PMS1: variants seen among roughly 807,000 people sequenced by gnomAD.
PMS1 encodes the protein PMS1 homolog 1, mismatch repair system component.
A neutral mutation model predicts 93.1 loss-of-function variants in PMS1; 79 were observed. The observed-to-expected ratio is 0.85, with a 90% CI of 0.71 to 1.02. The LOEUF is 1.02. PMS1 is among the 50% of genes least tolerant of loss of function. PMS1 has a pLI of 0.00. For synonymous variants in PMS1, 335 were observed against 363.4 expected (o/e 0.92, Z 0.89); for missense variants, 1,064 against 1,085.3 (o/e 0.98, Z 0.28).
Position 189,814,316 on chromosome 2 carries a change from CA to C in PMS1, c.419-3692del, listed in dbSNP as rs1205682880. 7.8e-3 allele frequency among the ~76,000 whole-genome samples: 1,172 copies of C among 149,558 alleles called. 17 individuals are homozygous for C. The highest frequency in any genetic ancestry group is 8.7e-3 in the Non-Finnish European group (585 of 67,220). Reference sequence around the variant, plus strand: ...ATAAAAATAGAGGAAGACCCCCCCCCAAAAAAAAATCATTAGTAATGTTATA... The same window carrying C: ...ATAAAAATAGAGGAAGACCCCCCCCCAAAAAAAATCATTAGTAATGTTATA... On this transcript the variant is annotated intron_variant, in intron 4 of 12. Coordinates refer to ENST00000441310, the MANE Select transcript of PMS1 (RefSeq NM_000534.5).
chr2:189,801,138 AG>A (rs1303384844), intron 3 of PMS1, among the ~76,000 whole-genome samples: 11 of 152,362 alleles, frequency 7.2e-5, no homozygotes, highest in Non-Finnish European at 1.0e-4. Context: ...GCTGGCAGGC[AG>A]GAGCCACTGT....
chr2:189,850,509 T>C (rs2054602868), intron 6 of PMS1, among the ~76,000 whole-genome samples: 1 of 152,110 alleles, frequency 6.6e-6, no homozygotes, highest in African/African-American at 2.4e-5. Context: ...GGGAGTGAAA[T>C]AAATAGCAGC....
intron 5 of PMS1, among the ~76,000 whole-genome samples, chr2:189,825,412 A>T (rs893498371): frequency 5.9e-5 from 9 of 152,174 alleles, no homozygotes; most frequent in Non-Finnish European, 1.3e-4. Context: ...AAATATTTTT[A>T]TTTATAAAGT....
In PMS1 at chr2:189,854,084, T is replaced by TA; in HGVS notation, c.966+4dup. ...AGCCAAGTATTATTACAAAATAAGG[T>TA]AACTCTTTTCAGATAATTTTTTCTT... On this transcript the variant is annotated splice_region_variant and intron_variant, in intron 8 of 12. Coordinates refer to ENST00000441310, the MANE Select transcript of PMS1 (RefSeq NM_000534.5). 6.3e-7 allele frequency: 1 copy of TA among 1,577,102 alleles called. No homozygotes were observed. Among genetic ancestry groups the TA allele is most frequent in the South Asian group, 1.2e-5 (1 of 85,684 alleles).
At position 189,863,836 on chromosome 2, in the gene PMS1, C is replaced by A. The variant is rs2056296440; in HGVS notation, c.1950C>A (p.Gly650=). 6.2e-7 allele frequency: 1 copy of A among 1,613,602 alleles called. No individual in the cohort carries two copies. The change falls in exon 10 of 13, where the codon GGC becomes GGA. Residue 650 remains glycine (G), a synonymous_variant. Transcript: ENST00000441310. ...EQESQMSLKD[G]RKKIKPTSAW... is the part of the protein sequence containing the mutation. ...AGTCACAAATGTCACTAAAAGATGG[C>A]AGAAAAAAGATAAAACCCACCAGCG...
At chr2:189,864,327 A>G in intron 10 of PMS1, 99 bp downstream of exon 10, 1 of 867,490 alleles carries the variant, frequency 1.2e-6, no homozygotes. Flanking sequence ...TTTCCTAGTA[A>G]GGATTAGTGG....
chr2:189,874,943 G>A (rs2057435129), intron 12 of PMS1, among the ~76,000 whole-genome samples: 1 of 151,858 alleles, frequency 6.6e-6, no homozygotes, highest in South Asian at 2.1e-4. Flanking sequence ...AAGTAAATTG[G>A]GACTGGTTTT....
At chr2:189,872,922 C>G (rs2057278580) in intron 11 of PMS1, among the ~76,000 whole-genome samples, 1 of 152,196 alleles carries the variant, frequency 6.6e-6, no homozygotes, top group South Asian at 2.1e-4. Context: ...GTGTGAGCCA[C>G]TATGCCCAGC....
At chr2:189,852,905 A>C in intron 7 of PMS1, 128 bp downstream of exon 7, 1 of 682,424 alleles carries the variant, frequency 1.5e-6, no homozygotes, top group Non-Finnish European at 2.6e-6. Context: ...AACATTATGC[A>C]TGATAGAAAG....
intron 12 of PMS1, among the ~76,000 whole-genome samples, chr2:189,876,530 C>T (rs1236645281): frequency 3.3e-5 from 5 of 152,176 alleles, no homozygotes; most frequent in Non-Finnish European, 7.4e-5. Context: ...TGCACCCACA[C>T]TGAACATTTA....
At chr2:189,830,481 C>A (rs2052828490) in intron 5 of PMS1, among the ~76,000 whole-genome samples, 1 of 152,172 alleles carries the variant, frequency 6.6e-6, no homozygotes, top group African/African-American at 2.4e-5. Flanking sequence ...GCAACCATTT[C>A]CCCTGTCCCC....
chr2:189,869,848 GGTT>G (rs890665430), intron 11 of PMS1, among the ~76,000 whole-genome samples: 1 of 151,494 alleles, frequency 6.6e-6, no homozygotes, highest in East Asian at 1.9e-4. Context: ...TTAAACTGCA[GGTT>G]GTTGTTGTTT....
chr2:189,827,821 T>G (rs1022047709), intron 5 of PMS1, among the ~76,000 whole-genome samples: 4 of 151,948 alleles, frequency 2.6e-5, no homozygotes, highest in South Asian at 2.1e-4. Context: ...GAGAGCAGAA[T>G]AGTTGTTACC....
chr2:189,803,764 T>C (rs146493422), intron 3 of PMS1, among the ~76,000 whole-genome samples: 2 of 152,350 alleles, frequency 1.3e-5, no homozygotes, highest in Non-Finnish European at 2.9e-5. Flanking sequence ...AGTACACTTA[T>C]GTGTTTGCTT....
intron 11 of PMS1, 93 bp from the exon 12 acceptor site, chr2:189,873,403 G>A (rs553603644): frequency 1.0e-5 from 8 of 792,514 alleles, no homozygotes; most frequent in Admixed American, 2.1e-5. Flanking sequence ...TTTGAATGAG[G>A]GTTCACTAAA....
chr2:189,798,673 C>T (rs1317180639), intron 3 of PMS1, among the ~76,000 whole-genome samples: 1 of 151,576 alleles, frequency 6.6e-6, no homozygotes, highest in Non-Finnish European at 1.5e-5. Flanking sequence ...ATCAGGGAAC[C>T]TCTGAATCTG....
In PMS1 at chr2:189,818,694, A is replaced by G. The variant is rs5743046; in HGVS notation, c.582+514A>G. On this transcript the variant is annotated intron_variant, in intron 5 of 12. Transcript: ENST00000441310. The stretch of plus-strand genomic sequence containing the variant: ...GTCTTTAATTTGTTGCCTAATATCT[A>G]TATGATCTGATTGAACTTTTCATTT... 9.9e-3 allele frequency among the ~76,000 whole-genome samples: 1,514 copies of G among 152,270 alleles called. 25 individuals carry two copies. Among genetic ancestry groups the G allele is most frequent in the African/African-American group, 0.034 (1,410 of 41,556 alleles).
At chr2:189,832,465 G>A (rs2053032427) in intron 5 of PMS1, among the ~76,000 whole-genome samples, 1 of 151,704 alleles carries the variant, frequency 6.6e-6, no homozygotes, top group Non-Finnish European at 1.5e-5. Context: ...GACCAGAAGG[G>A]TTTTCTTTTT....
Position 189,877,345 on chromosome 2 carries a change from G to C in PMS1, c.2708G>C (p.Arg903Thr). Reference protein sequence around the residue: ...SKEDIQDIIYRMKHQFGNEIK... With the variant: ...SKEDIQDIIYTMKHQFGNEIK... ...GAGGACATCCAAGACATTATCTACA[G>C]AATGAAGCACCAGTTTGGAAATGAA... The change falls in exon 13 of 13, where the codon AGA becomes ACA. Residue 903 changes from arginine to threonine, a missense_variant. By Grantham distance (71) the Arg-to-Thr change is moderately conservative (BLOSUM62 -1). Coordinates refer to ENST00000441310, the MANE Select transcript of PMS1 (RefSeq NM_000534.5). 1.2e-6 allele frequency: 2 copies of C among 1,613,094 alleles called. No individual in the cohort carries two copies. Among genetic ancestry groups the C allele is most frequent in the Admixed American group, 3.3e-5 (2 of 60,014 alleles).
Sources: gnomAD v4.1 joint callset for allele counts (sites outside exome capture counted in the v4.1 genomes callset) on GRCh38, gnomAD v4.1.1 for gene constraint, MANE v1.5 for transcripts, NCBI Gene and HGNC (gene_info 2026-07-23, HGNC 2026-07-21) for gene names.